Variants in SGK3 observed in about 807,000 individuals in gnomAD.
SGK3 encodes serum/glucocorticoid regulated kinase family member 3.
In SGK3, 47 loss-of-function variants were observed where a neutral mutation model predicts 68.5. The ratio of observed to expected loss-of-function variants is 0.69; its 90% CI spans 0.54 to 0.87. The LOEUF (loss-of-function observed/expected upper bound fraction) is 0.87. SGK3 is among the 40% of genes least tolerant of loss of function. SGK3 has a pLI of 0.00. For synonymous variants in SGK3, 181 were observed against 189.1 expected (o/e 0.96, Z 0.35); for missense variants, 479 against 575.5 (o/e 0.83, Z 1.72).
At chr8:66,828,581 A>C in intron 6 of SGK3, 73 bp from the exon 7 acceptor site, 2 of 1,598,234 alleles carry the variant, frequency 1.3e-6, no homozygotes, top group Non-Finnish European at 1.7e-6. Flanking sequence ...AGTTATAAAT[A>C]CTTTATTTCA....
intron 1 of SGK3, among the ~76,000 whole-genome samples, chr8:66,717,134 G>A (rs1316468893): frequency 6.6e-6 from 1 of 151,646 alleles, no homozygotes; most frequent in African/African-American, 2.4e-5. Context: ...GAACTCAGGA[G>A]GTAGAGGTTT....
intron 1 of SGK3, among the ~76,000 whole-genome samples, chr8:66,782,859 G>A (rs1006887732): frequency 6.6e-6 from 1 of 152,204 alleles, no homozygotes; most frequent in African/African-American, 2.4e-5. Context: ...ATGTACTACA[G>A]TGTATTAATC....
At chr8:66,820,991 C>T (rs1025881934) in intron 5 of SGK3, among the ~76,000 whole-genome samples, 1 of 152,134 alleles carries the variant, frequency 6.6e-6, no homozygotes, top group African/African-American at 2.4e-5. Context: ...CAGGCATGAG[C>T]CACCACTCCT....
chr8:66,752,946 T>C (rs1467127555), intron 1 of SGK3, among the ~76,000 whole-genome samples: 2 of 152,132 alleles, frequency 1.3e-5, no homozygotes, highest in Admixed American at 1.3e-4. Context: ...ACTCCTGGGC[T>C]CAAGCCTCAG....
chr8:66,722,305 T>C (rs1449191504), intron 1 of SGK3, among the ~76,000 whole-genome samples: 12 of 152,218 alleles, frequency 7.9e-5, no homozygotes, highest in Admixed American at 3.3e-4. Flanking sequence ...TTTCTTGAGA[T>C]GAAGTCTCAC....
intron 9 of SGK3, 47 bp from the exon 10 acceptor site, chr8:66,835,896 G>A (rs530655691): frequency 1.2e-6 from 2 of 1,609,366 alleles, no homozygotes; most frequent in South Asian, 1.1e-5. Context: ...AATTAAGAGA[G>A]CTGTTTTCTA....
chr8:66,793,453 A>G (rs967683338), intron 1 of SGK3, among the ~76,000 whole-genome samples, 163 bp from the exon 2 acceptor site: 1 of 152,236 alleles, frequency 6.6e-6, no homozygotes, highest in East Asian at 1.9e-4. Flanking sequence ...TGTGGCTTGT[A>G]GTAGGAACAT....
chr8:66,772,058 A>T (rs769428222), intron 1 of SGK3, among the ~76,000 whole-genome samples: 1 of 143,482 alleles, frequency 7.0e-6, no homozygotes, highest in Non-Finnish European at 1.5e-5. Flanking sequence ...TTATGGATGA[A>T]TCTATAATTT....
At chr8:66,830,562 C>G (rs1809262841) in intron 7 of SGK3, among the ~76,000 whole-genome samples, 1 of 152,166 alleles carries the variant, frequency 6.6e-6, no homozygotes, top group Non-Finnish European at 1.5e-5. Flanking sequence ...GCTTAAGCTC[C>G]CCTTTCTGCT....
intron 4 of SGK3, among the ~76,000 whole-genome samples, chr8:66,807,301 T>A (rs1400745776): frequency 6.6e-6 from 1 of 152,162 alleles, no homozygotes; most frequent in Non-Finnish European, 1.5e-5. Flanking sequence ...AATATGAGAC[T>A]TGAACTTGGG....
intron 5 of SGK3, among the ~76,000 whole-genome samples, chr8:66,815,879 T>C (rs1295925673): frequency 6.6e-6 from 1 of 152,226 alleles, no homozygotes; most frequent in Non-Finnish European, 1.5e-5. Flanking sequence ...TACTGTGAAA[T>C]ACACAGTTCT....
intron 2 of SGK3, among the ~76,000 whole-genome samples, chr8:66,795,652 G>A (rs1451837807): frequency 2.6e-5 from 4 of 152,084 alleles, no homozygotes; most frequent in African/African-American, 9.7e-5. Flanking sequence ...TGGGATGGTC[G>A]AGGAGACCTG....
At chr8:66,786,853 C>T (rs1437698271) in intron 1 of SGK3, among the ~76,000 whole-genome samples, 2 of 146,546 alleles carry the variant, frequency 1.4e-5, no homozygotes, top group Non-Finnish European at 3.0e-5. Context: ...TAACATCATA[C>T]TTAACAAATT....
Position 66,774,570 on chromosome 8 carries a change from C to G in SGK3, c.-121-19046C>G, listed in dbSNP as rs75118558. Among the ~76,000 whole-genome samples, 1,340 of 152,162 alleles carry G rather than the reference C, an allele frequency of 8.8e-3. 23 individuals carry two copies. The highest frequency in any genetic ancestry group is 0.031 in the African/African-American group (1,278 of 41,516). ...TTTCCTTTATCTGTACACGCAGACG[C>G]AAACCTTAGAGTAGCACACTACGGA... On this transcript the variant is annotated intron_variant, in intron 1 of 16. Coordinates refer to ENST00000521198, the MANE Select transcript of SGK3 (RefSeq NM_001033578.3).
At chr8:66,839,030 T>G (rs1392197842) in intron 10 of SGK3, among the ~76,000 whole-genome samples, 1 of 152,058 alleles carries the variant, frequency 6.6e-6, no homozygotes, top group Non-Finnish European at 1.5e-5. Context: ...ATATCAACAT[T>G]GAGGTGGTGG....
intron 3 of SGK3, among the ~76,000 whole-genome samples, chr8:66,799,977 C>G (rs961161331): frequency 2.6e-5 from 4 of 152,100 alleles, no homozygotes; most frequent in Non-Finnish European, 5.9e-5. Context: ...ATAGGGATCT[C>G]CCAGTGTCAT....
At chr8:66,732,990 G>A (rs946022847) in intron 1 of SGK3, among the ~76,000 whole-genome samples, 21 of 152,214 alleles carry the variant, frequency 1.4e-4, no homozygotes, top group Non-Finnish European at 2.5e-4. Context: ...ATATTGGAAG[G>A]CCATTCAGCC....
At chr8:66,718,960 G>A (rs916549206) in intron 1 of SGK3, among the ~76,000 whole-genome samples, 16 of 151,634 alleles carry the variant, frequency 1.1e-4, no homozygotes, top group African/African-American at 3.4e-4. Context: ...ATTTTAAATT[G>A]TAAAGGTATA....
chr8:66,751,742 T>TTTTA (rs61222034), intron 1 of SGK3, among the ~76,000 whole-genome samples: 16,541 of 147,818 alleles, frequency 0.11, 1,092 homozygotes, highest in East Asian at 0.21. Context: ...AAATCATTCA[T>TTTTA]TTTATTTATT....
Sources: gnomAD v4.1 joint callset for allele counts (sites outside exome capture counted in the v4.1 genomes callset) on GRCh38, gnomAD v4.1.1 for gene constraint, MANE v1.5 for transcripts, NCBI Gene and HGNC (gene_info 2026-07-23, HGNC 2026-07-21) for gene names.